The following MTUS2 variants were observed in gnomAD, a reference collection of about 807,000 sequenced individuals.
The protein encoded by MTUS2 is microtubule associated scaffold protein 2.
Under a neutral mutation model 114.1 loss-of-function variants are expected in MTUS2, and 40 were observed. The ratio of observed to expected loss-of-function variants is 0.35; its 90% CI spans 0.27 to 0.46. MTUS2 has a LOEUF of 0.46. MTUS2 is among the 20% of genes least tolerant of loss of function. MTUS2 has a pLI of 1.00. For synonymous variants in MTUS2, 688 were observed against 672.0 expected (o/e 1.02, Z -0.37); for missense variants, 1,679 against 1,705.4 (o/e 0.98, Z 0.27).
chr13:29,247,596 A>C (rs889112920), intron 5 of MTUS2, among the ~76,000 whole-genome samples: 7 of 152,196 alleles, frequency 4.6e-5, no homozygotes, highest in African/African-American at 1.7e-4. Context: ...AAAAGACATA[A>C]ATAGACAATT....
At chr13:29,283,642 T>C (rs1898363482) in intron 6 of MTUS2, among the ~76,000 whole-genome samples, 1 of 152,180 alleles carries the variant, frequency 6.6e-6, no homozygotes, top group Non-Finnish European at 1.5e-5. Flanking sequence ...CCCAGAGTTA[T>C]TGGTTCAGTA....
intron 8 of MTUS2, among the ~76,000 whole-genome samples, chr13:29,396,347 GA>G (rs1235658589): frequency 3.3e-5 from 5 of 152,058 alleles, no homozygotes; most frequent in Non-Finnish European, 7.4e-5. Context: ...GTGCTGTGTT[GA>G]AAAAAATTCC....
chr13:29,226,064 C>T (rs545658431), intron 5 of MTUS2, among the ~76,000 whole-genome samples: 34 of 152,262 alleles, frequency 2.2e-4, no homozygotes, highest in African/African-American at 7.5e-4. Flanking sequence ...TTCTAGTGTT[C>T]TGCTGAGTTA....
intron 5 of MTUS2, among the ~76,000 whole-genome samples, chr13:29,155,298 AG>A (rs1892814415): frequency 6.6e-6 from 1 of 152,260 alleles, no homozygotes; most frequent in Non-Finnish European, 1.5e-5. Flanking sequence ...GGGAGATTTC[AG>A]AGGATCAGAA....
At position 28,914,004 on chromosome 13, in the gene MTUS2, T is replaced by C. The variant is rs145126375; in HGVS notation, c.-243+74154T>C. ...TGTATCTATTTTATTCTTCTCTCTT[T>C]TCTATTAGTCTAGCTAGCAGTCTAT... On this transcript the variant is annotated intron_variant, in intron 2 of 15. Coordinates refer to ENST00000612955, the MANE Select transcript of MTUS2 (RefSeq NM_001033602.4). Among the ~76,000 whole-genome samples the C allele has an allele frequency of 3.6e-3, 543 of 152,132 alleles. 5 individuals carry two copies. The highest frequency in any genetic ancestry group is 0.013 in the African/African-American group (533 of 41,550).
chr13:29,050,414 C>A (rs1219443250), intron 4 of MTUS2, among the ~76,000 whole-genome samples: 9 of 152,096 alleles, frequency 5.9e-5, no homozygotes, highest in Admixed American at 5.9e-4. Context: ...CTGGTTCTTA[C>A]AAAGCAAGTG....
intron 2 of MTUS2, among the ~76,000 whole-genome samples, chr13:29,005,437 A>G (rs1885562914): frequency 6.6e-6 from 1 of 152,198 alleles, no homozygotes; most frequent in African/African-American, 2.4e-5. Flanking sequence ...TGTCTGTTAC[A>G]TGAAAGTTCT....
intron 6 of MTUS2, among the ~76,000 whole-genome samples, chr13:29,289,464 CTTT>C (rs532952669): frequency 5.7e-5 from 8 of 139,722 alleles, no homozygotes; most frequent in African/African-American, 8.0e-5. Context: ...GTAGGCATTT[CTTT>C]TTTTTTTTTT....
chr13:29,329,085 T>C (rs1900651707), intron 7 of MTUS2, among the ~76,000 whole-genome samples: 1 of 152,324 alleles, frequency 6.6e-6, no homozygotes, highest in African/African-American at 2.4e-5. Flanking sequence ...CTCATTATAT[T>C]TGTAAGTGGT....
At chr13:29,348,824 T>G (rs1229440679) in intron 7 of MTUS2, among the ~76,000 whole-genome samples, 1 of 152,226 alleles carries the variant, frequency 6.6e-6, no homozygotes, top group Non-Finnish European at 1.5e-5. Context: ...CTGGTAATAC[T>G]TTTTTCCTTG....
intron 8 of MTUS2, among the ~76,000 whole-genome samples, chr13:29,369,287 T>G (rs1003062336): frequency 6.6e-6 from 1 of 152,194 alleles, no homozygotes; most frequent in East Asian, 1.9e-4. Context: ...TCTTCTACCC[T>G]GTGAGGAGTG....
intron 2 of MTUS2, among the ~76,000 whole-genome samples, chr13:28,877,563 A>G (rs1878022217): frequency 6.6e-6 from 1 of 152,178 alleles, no homozygotes; most frequent in East Asian, 1.9e-4. Flanking sequence ...GTCATGGCAT[A>G]TGGTAGGAGC....
chr13:29,223,507 T>A (rs4369507), intron 5 of MTUS2, among the ~76,000 whole-genome samples: 123,149 of 152,048 alleles, frequency 0.81, 49,936 homozygotes, highest in East Asian at 0.89. Context: ...TGAGAGCTGA[T>A]CAGATGTTGG....
intron 5 of MTUS2, among the ~76,000 whole-genome samples, chr13:29,241,602 C>CA (rs966018140): frequency 2.8e-4 from 43 of 152,130 alleles, no homozygotes; most frequent in African/African-American, 9.2e-4. Flanking sequence ...ACAGATTTCT[C>CA]AAAAATCACA....
chr13:28,943,448 G>A (rs1882352369), intron 2 of MTUS2, among the ~76,000 whole-genome samples: 1 of 152,198 alleles, frequency 6.6e-6, no homozygotes, highest in African/African-American at 2.4e-5. Flanking sequence ...CAGTTTCTTA[G>A]TACACTAGCT....
rs1206239806 is a variant in MTUS2 at position 29,480,424 on chromosome 13, G to A, written c.3399+60G>A. The A allele has an allele frequency of 1.4e-6, 2 of 1,447,676 alleles. No homozygotes were observed. Among genetic ancestry groups the A allele is most frequent in the Non-Finnish European group, 1.8e-6 (2 of 1,092,530 alleles). 89.7% of individuals were successfully genotyped at this position (1,447,676 alleles called of 1,614,324 possible). On this transcript the variant is annotated intron_variant, in intron 10 of 15. Transcript: ENST00000612955. The surrounding 1 kb of genome is among the most constrained non-coding windows in gnomAD (Gnocchi z 4.4). ...GGTGATGCAGGTGGCGGGCGGCGGGGATCCAGTGCCACATTAGCAAGAAGT... is the reference window on the plus strand; with the variant it reads ...GGTGATGCAGGTGGCGGGCGGCGGGAATCCAGTGCCACATTAGCAAGAAGT...
At chr13:28,942,726 G>T (rs942531061) in intron 2 of MTUS2, among the ~76,000 whole-genome samples, 1 of 152,154 alleles carries the variant, frequency 6.6e-6, no homozygotes, top group African/African-American at 2.4e-5. Context: ...TATGATTTCA[G>T]TTTTTATCAA....
intron 5 of MTUS2, among the ~76,000 whole-genome samples, chr13:29,242,852 G>T (rs1298520491): frequency 1.4e-5 from 1 of 71,560 alleles, no homozygotes; most frequent in Non-Finnish European, 3.1e-5. Context: ...GATAGCATAT[G>T]AGGAAGATAG....
chr13:29,381,152 AT>A (rs751473692), intron 8 of MTUS2, among the ~76,000 whole-genome samples: 1 of 152,170 alleles, frequency 6.6e-6, no homozygotes, highest in African/African-American at 2.4e-5. Context: ...TCTCAGGGGC[AT>A]GTATCTGGGC....
Sources: allele counts gnomAD v4.1 joint callset (sites outside exome capture counted in the v4.1 genomes callset), GRCh38; gene constraint gnomAD v4.1.1; non-coding constraint Gnocchi (gnomAD v3.1); transcripts MANE v1.5; gene names NCBI Gene and HGNC (gene_info 2026-07-23, HGNC 2026-07-21).